PDE3B: variants seen among roughly 807,000 people sequenced by gnomAD.
PDE3B encodes cGMP-inhibited 3',5'-cyclic phosphodiesterase 3B.
A neutral mutation model predicts 116.8 loss-of-function variants in PDE3B; 66 were observed. The ratio of observed to expected loss-of-function variants is 0.56; its 90% CI spans 0.46 to 0.69. The LOEUF (loss-of-function observed/expected upper bound fraction) is 0.69, where lower values mean the gene tolerates loss of function less well. PDE3B is among the 30% of genes least tolerant of loss of function. The pLI is 0.00. For missense variants in PDE3B, 1,384 were observed against 1,368.1 expected (o/e 1.01, Z -0.18); for synonymous variants, 595 against 533.6 (o/e 1.12, Z -1.59).
chr11:14,711,392 A>T (rs1401787626), intron 1 of PDE3B, among the ~76,000 whole-genome samples: 1 of 152,186 alleles, frequency 6.6e-6, no homozygotes, highest in Non-Finnish European at 1.5e-5. Flanking sequence ...TTGCATTGCT[A>T]TAAAGAAATA....
chr11:14,748,885 T>C (rs753039308), intron 1 of PDE3B, among the ~76,000 whole-genome samples: 63 of 150,836 alleles, frequency 4.2e-4, no homozygotes, highest in Non-Finnish European at 8.1e-4. Flanking sequence ...CTTTCTCTTT[T>C]CTTTCTTTTT....
At chr11:14,655,232 A>G (rs1365151837) in intron 1 of PDE3B, among the ~76,000 whole-genome samples, 1 of 152,194 alleles carries the variant, frequency 6.6e-6, no homozygotes, top group African/African-American at 2.4e-5. Flanking sequence ...TTTGCTAGAG[A>G]AAAAGATGAT....
chr11:14,826,412 AAC>A (rs1156344214), intron 7 of PDE3B, among the ~76,000 whole-genome samples: 1 of 152,092 alleles, frequency 6.6e-6, no homozygotes, highest in Non-Finnish European at 1.5e-5. Flanking sequence ...GATCCAAATA[AAC>A]ACAATTAGAA....
chr11:14,763,110 T>G (rs1257486021), intron 1 of PDE3B, among the ~76,000 whole-genome samples: 1 of 151,910 alleles, frequency 6.6e-6, no homozygotes. Flanking sequence ...GCAGTGGGGG[T>G]CACAGCAATG....
rs546362490 is a variant in PDE3B at position 14,789,127 on chromosome 11, C to T, written c.1300C>T (p.Pro434Ser). 2.8e-5 allele frequency: 45 copies of T among 1,608,284 alleles called. 1 individual carries two copies. The South Asian group carries it at 5.0e-4, about 18-fold the overall frequency. ...LNKGLNRNSL[P>S]TPQLRRSSGT... ...ACAGGGACTAAATAGGAATAGTTTG[C>T]CAACTCCACAGCTGAGGAGAAGCTC... Residue 434 changes from proline (P) to serine (S), a missense_variant, in exon 4 of 16, where the codon CCA becomes TCA. Coordinates refer to ENST00000282096, the MANE Select transcript of PDE3B (RefSeq NM_000922.4).
At chr11:14,848,820 CT>C (rs1254810006) in intron 12 of PDE3B, among the ~76,000 whole-genome samples, 1 of 152,158 alleles carries the variant, frequency 6.6e-6, no homozygotes, top group Admixed American at 6.5e-5. Context: ...CTACAAACCA[CT>C]GCTCAATGAA....
the PDE3B span, chr11:14,877,845 T>TA: frequency 5.1e-6 from 2 of 389,596 alleles, no homozygotes; most frequent in East Asian, 9.5e-5. Context: ...ATGCTCAGCT[T>TA]AGGGCGTCCA....
At chr11:14,780,919 C>A (rs1358534093) in intron 2 of PDE3B, among the ~76,000 whole-genome samples, 3 of 151,854 alleles carry the variant, frequency 2.0e-5, no homozygotes, top group Non-Finnish European at 2.9e-5. Context: ...AGACTGCTAG[C>A]AAGACTAATA....
At chr11:14,653,560 G>T (rs962186543) in intron 1 of PDE3B, among the ~76,000 whole-genome samples, 3 of 150,752 alleles carry the variant, frequency 2.0e-5, no homozygotes, top group African/African-American at 7.3e-5. Flanking sequence ...GCAAGACTCC[G>T]TCTCAAAAAA....
At chr11:14,773,941 G>C (rs1284349625) in intron 2 of PDE3B, 1 of 152,178 alleles carries the variant, frequency 6.6e-6, no homozygotes, top group Non-Finnish European at 1.5e-5. Flanking sequence ...GGCACCCCCT[G>C]TCTTCATAGC....
the PDE3B span, chr11:14,885,824 C>T: frequency 6.2e-7 from 1 of 1,613,478 alleles, no homozygotes; most frequent in Admixed American, 1.7e-5. Flanking sequence ...GGTCTGTCTG[C>T]AAAAATTTCG....
At chr11:14,663,558 TAAAAG>T (rs545825161) in intron 1 of PDE3B, among the ~76,000 whole-genome samples, 3,138 of 151,652 alleles carry the variant, frequency 0.021, 111 homozygotes, top group African/African-American at 0.072. Flanking sequence ...AGGCTCAAAA[TAAAAG>T]GAAGGAGGAA....
intron 1 of PDE3B, among the ~76,000 whole-genome samples, chr11:14,679,987 T>C (rs1471584031): frequency 1.3e-5 from 2 of 152,096 alleles, no homozygotes; most frequent in Non-Finnish European, 2.9e-5. Flanking sequence ...TTTTAAGGAT[T>C]CTGAAAGTCA....
At chr11:14,694,673 AC>A (rs922814467) in intron 1 of PDE3B, among the ~76,000 whole-genome samples, 2 of 152,150 alleles carry the variant, frequency 1.3e-5, no homozygotes, top group African/African-American at 4.8e-5. Flanking sequence ...GCACTGGGAA[AC>A]CAAAAAATTC....
intron 1 of PDE3B, among the ~76,000 whole-genome samples, chr11:14,725,691 C>T (rs1010746489): frequency 8.2e-5 from 12 of 146,376 alleles, no homozygotes; most frequent in Non-Finnish European, 1.8e-4. Context: ...CTCCTGACTA[C>T]TCCATCTTTA....
At chr11:14,806,461 T>C (rs1858927808) in intron 5 of PDE3B, among the ~76,000 whole-genome samples, 1 of 142,808 alleles carries the variant, frequency 7.0e-6, no homozygotes, top group Non-Finnish European at 1.6e-5. Context: ...AAAAAAAAAA[T>C]CATGCTACTA....
chr11:14,649,288 G>C (rs992698607), intron 1 of PDE3B, among the ~76,000 whole-genome samples: 1 of 151,956 alleles, frequency 6.6e-6, no homozygotes, highest in African/African-American at 2.4e-5. Context: ...TATTCTTGCC[G>C]AAAAAGCCTA....
chr11:14,843,735 A>C, intron 11 of PDE3B, 92 bp from the exon 12 acceptor site: 1 of 865,664 alleles, frequency 1.2e-6, no homozygotes, highest in Non-Finnish European at 1.9e-6. Context: ...TAAAATAAGT[A>C]AGCATATTAC....
intron 11 of PDE3B, among the ~76,000 whole-genome samples, chr11:14,843,268 A>G (rs1847512318): frequency 1.3e-5 from 2 of 152,112 alleles, no homozygotes; most frequent in African/African-American, 4.8e-5. Context: ...ATTTTCCACT[A>G]TTTTTTATTC....
Sources: allele counts gnomAD v4.1 joint callset (sites outside exome capture counted in the v4.1 genomes callset), GRCh38; gene constraint gnomAD v4.1.1; transcripts MANE v1.5; gene names NCBI Gene and HGNC (gene_info 2026-07-23, HGNC 2026-07-21).